Variants in TTC7B observed in about 807,000 individuals in gnomAD.
The protein encoded by TTC7B is tetratricopeptide repeat domain 7B.
In TTC7B, 28 loss-of-function variants were observed where a neutral mutation model predicts 106.8. The ratio of observed to expected loss-of-function variants is 0.26; its 90% CI spans 0.19 to 0.36. The LOEUF (loss-of-function observed/expected upper bound fraction) is 0.36. TTC7B is among the 10% of genes least tolerant of loss of function. The pLI, the probability that TTC7B is intolerant of heterozygous loss-of-function variation, is 1.00. For synonymous variants in TTC7B, 405 were observed against 430.6 expected (o/e 0.94, Z 0.74); for missense variants, 862 against 1,076.4 (o/e 0.80, Z 2.79).
intron 3 of TTC7B, among the ~76,000 whole-genome samples, chr14:90,764,882 T>C (rs10134343): frequency 0.27 from 41,811 of 152,080 alleles, 9,485 homozygotes; most frequent in African/African-American, 0.63. Context: ...CAGCTTGCAG[T>C]TCCTCAAAAA....
intron 3 of TTC7B, among the ~76,000 whole-genome samples, chr14:90,774,810 C>T (rs113885810): frequency 0.024 from 3,715 of 152,260 alleles, 69 homozygotes; most frequent in Non-Finnish European, 0.037. Context: ...GAGGCCGAGG[C>T]GGGTGGATCA....
At chr14:90,814,554 G>T (rs1449723588) in intron 1 of TTC7B, among the ~76,000 whole-genome samples, 1 of 152,124 alleles carries the variant, frequency 6.6e-6, no homozygotes, top group Non-Finnish European at 1.5e-5. Flanking sequence ...AAAGACAGCA[G>T]GAAACAAGTG....
At chr14:90,778,621 C>A (rs1460239764) in intron 3 of TTC7B, among the ~76,000 whole-genome samples, 2 of 152,102 alleles carry the variant, frequency 1.3e-5, no homozygotes, top group African/African-American at 2.4e-5. Flanking sequence ...TGCTGAGGCA[C>A]GTGAGGTAGC....
chr14:90,690,668 C>T (rs1415547576), intron 6 of TTC7B, among the ~76,000 whole-genome samples: 1 of 152,150 alleles, frequency 6.6e-6, no homozygotes, highest in Non-Finnish European at 1.5e-5. Context: ...CCATGATCAG[C>T]CAGAGGTGGC....
Position 90,578,459 on chromosome 14 carries a change from G to C in TTC7B, c.2108-151C>G. The C allele has an allele frequency of 6.3e-6, 5 of 790,484 alleles. No homozygotes were observed. The highest frequency in any genetic ancestry group is 1.0e-5 in the Non-Finnish European group (5 of 483,664). The allele number at this position is 790,484 out of a possible 1,614,324, so 49.0% of individuals were successfully genotyped here. On this transcript the variant is annotated intron_variant, in intron 18 of 19. Coordinates refer to ENST00000328459, the MANE Select transcript of TTC7B (RefSeq NM_001010854.2). The surrounding 1 kb of genome is among the most constrained non-coding windows in gnomAD (Gnocchi z 4.7). ...GCTCCAAGTGGAAACAGCTGCCGCT[G>C]ACAGTCCCTCCTGCCCACTCCTATA...
At position 90,786,272 on chromosome 14, in the gene TTC7B, GT is replaced by G; in HGVS notation, c.177del (p.Glu59AspfsTer4). The G allele has an allele frequency of 1.9e-6, 3 of 1,613,090 alleles. No homozygotes were observed. Among genetic ancestry groups the G allele is most frequent in the Non-Finnish European group, 2.5e-6 (3 of 1,179,568 alleles). ...GESKLEQYLK[E>X]HPLRQGASPR... ...GGACTGGCCCCCTGCCTCAGGGGGTGTTCCTTCAGGTACTGCTCCAGCTTCG... is the reference window on the plus strand; with the variant it reads ...GGACTGGCCCCCTGCCTCAGGGGGTGTCCTTCAGGTACTGCTCCAGCTTCG... On this transcript the variant is annotated frameshift_variant, in exon 2 of 20. Coordinates refer to ENST00000328459, the MANE Select transcript of TTC7B (RefSeq NM_001010854.2). LOFTEE classifies it high-confidence loss of function.
chr14:90,793,621 T>C (rs1241401941), intron 1 of TTC7B, among the ~76,000 whole-genome samples: 12 of 151,650 alleles, frequency 7.9e-5, no homozygotes, highest in Non-Finnish European at 1.3e-4. Context: ...TTCTTTTTTT[T>C]TTTTGAGATG....
rs1290365781 is a variant in TTC7B at position 90,528,442 on chromosome 14, A to G, written c.*12926T>C. Reference sequence around the variant, plus strand: ...GTCTCCCAGGCTGGGGTGCAGTGGCATAATCACTGCAGCCTTGACCTCCCA... The same window carrying G: ...GTCTCCCAGGCTGGGGTGCAGTGGCGTAATCACTGCAGCCTTGACCTCCCA... On this transcript the variant is annotated 3_prime_UTR_variant, in exon 20 of 20. Transcript: ENST00000328459. 1 of 152,490 alleles carries G rather than the reference A, an allele frequency of 6.6e-6. No homozygotes were observed. Among genetic ancestry groups the G allele is most frequent in the African/African-American group, 2.4e-5 (1 of 41,458 alleles). 9.4% of individuals were successfully genotyped at this position (152,490 alleles called of 1,614,324 possible). A position where few individuals can be genotyped will look rare whatever the true frequency, so the allele number is the denominator to read the frequency against.
At chr14:90,623,687 G>A (rs1027636393) in intron 15 of TTC7B, among the ~76,000 whole-genome samples, 2 of 152,218 alleles carry the variant, frequency 1.3e-5, no homozygotes, top group Non-Finnish European at 2.9e-5. Flanking sequence ...GGCTACCAGG[G>A]TGTTGCTCCT....
intron 15 of TTC7B, among the ~76,000 whole-genome samples, chr14:90,640,309 A>T (rs565295633): frequency 6.6e-6 from 1 of 152,270 alleles, no homozygotes; most frequent in African/African-American, 2.4e-5. Flanking sequence ...GAAAAAGCAC[A>T]ATATACATGG....
rs565356952 is a variant in TTC7B, at chr14:90,615,898, C to T, written c.1868+2031G>A. Among the ~76,000 whole-genome samples the T allele has an allele frequency of 2.0e-5, 3 of 152,294 alleles. No individual in the cohort carries two copies. In the South Asian group the frequency reaches 6.2e-4, roughly 32 times the overall value. Reference sequence around the variant, plus strand: ...ACCACTGGGGCCTCTACCGCCCACCCCATCCGCCAGTCCCCACCAGACACT... The same window carrying T: ...ACCACTGGGGCCTCTACCGCCCACCTCATCCGCCAGTCCCCACCAGACACT... On this transcript the variant is annotated intron_variant, in intron 16 of 19. Coordinates refer to ENST00000328459, the MANE Select transcript of TTC7B (RefSeq NM_001010854.2).
intron 15 of TTC7B, among the ~76,000 whole-genome samples, chr14:90,638,225 C>A (rs1381731913): frequency 6.6e-6 from 1 of 152,054 alleles, no homozygotes; most frequent in Non-Finnish European, 1.5e-5. Flanking sequence ...AGAATTTTCT[C>A]ATTTAACTAC....
chr14:90,641,705 C>G (rs770811990), intron 15 of TTC7B, among the ~76,000 whole-genome samples: 1 of 152,212 alleles, frequency 6.6e-6, no homozygotes, highest in Non-Finnish European at 1.5e-5. Context: ...AAAATAACAG[C>G]CTTGCATTCC....
chr14:90,661,945 G>A (rs749287692), intron 9 of TTC7B, among the ~76,000 whole-genome samples: 2 of 152,148 alleles, frequency 1.3e-5, no homozygotes, highest in Non-Finnish European at 2.9e-5. Flanking sequence ...CACATTCACC[G>A]GAGGTCTAAT....
intron 3 of TTC7B, among the ~76,000 whole-genome samples, chr14:90,765,816 T>C (rs892515493): frequency 6.6e-6 from 1 of 152,204 alleles, no homozygotes; most frequent in African/African-American, 2.4e-5. Flanking sequence ...CTGCTTCTGA[T>C]CACAGGGGTG....
chr14:90,603,281 A>G (rs970908961), intron 17 of TTC7B: 6 of 1,290,034 alleles, frequency 4.7e-6, no homozygotes, highest in Admixed American at 2.3e-5. Flanking sequence ...GAAAACCATG[A>G]AAGTATGCTT....
chr14:90,689,779 T>C, intron 6 of TTC7B, 67 bp from the exon 7 acceptor site: 1 of 1,533,590 alleles, frequency 6.5e-7, no homozygotes, highest in East Asian at 2.3e-5. Flanking sequence ...ATTCAGTCAG[T>C]CAATAAATAT....
At chr14:90,815,526 T>A (rs1054917546) in intron 1 of TTC7B, among the ~76,000 whole-genome samples, 4 of 151,984 alleles carry the variant, frequency 2.6e-5, no homozygotes, top group African/African-American at 9.7e-5. Context: ...CAGGTCCCCC[T>A]GACTCTATTT....
intron 1 of TTC7B, among the ~76,000 whole-genome samples, chr14:90,812,295 G>A (rs2030939425): frequency 6.6e-6 from 1 of 152,196 alleles, no homozygotes; most frequent in South Asian, 2.1e-4. Flanking sequence ...ATCATTGGGA[G>A]GCTGGAGGGT....
Sources: gnomAD v4.1 joint callset for allele counts (sites outside exome capture counted in the v4.1 genomes callset) on GRCh38, gnomAD v4.1.1 for gene constraint, Gnocchi (gnomAD v3.1) non-coding constraint, MANE v1.5 for transcripts, NCBI Gene and HGNC (gene_info 2026-07-23, HGNC 2026-07-21) for gene names.